Variants in ALDH1B1 observed in about 807,000 individuals in gnomAD.
The protein encoded by ALDH1B1 is aldehyde dehydrogenase 1 family member B1.
ALDH1B1 carries 19 observed loss-of-function variants against 26.2 expected under a neutral mutation model. That is an observed-to-expected ratio of 0.72 (90% CI 0.51 to 1.06). The LOEUF (loss-of-function observed/expected upper bound fraction) is 1.06, where lower values mean the gene tolerates loss of function less well. ALDH1B1 is among the 50% of genes least tolerant of loss of function. The pLI is 0.00. For synonymous variants in ALDH1B1, 249 were observed against 286.0 expected (o/e 0.87, Z 1.31); for missense variants, 671 against 683.1 (o/e 0.98, Z 0.20).
At chr9:38,394,802 G>T (rs934984282) in intron 1 of ALDH1B1, among the ~76,000 whole-genome samples, 1 of 152,146 alleles carries the variant, frequency 6.6e-6, no homozygotes, top group African/African-American at 2.4e-5. Flanking sequence ...CAACTAATCT[G>T]GGAACACTAC....
rs1403236585 is a variant in ALDH1B1, at chr9:38,398,094, T to A, written c.*792T>A. On this transcript the variant is annotated 3_prime_UTR_variant, in exon 2 of 2. Coordinates refer to ENST00000377698, the MANE Select transcript of ALDH1B1 (RefSeq NM_000692.5). Reference sequence around the variant, plus strand: ...GCTACAGACTGTATGATTCCATTTATATGAAATATACATACTAGGCAAATC... The same window carrying A: ...GCTACAGACTGTATGATTCCATTTAAATGAAATATACATACTAGGCAAATC... 1 of 167,106 alleles carries A rather than the reference T, an allele frequency of 6.0e-6. No individual in the cohort carries two copies. Among genetic ancestry groups the A allele is most frequent in the Non-Finnish European group, 1.5e-5 (1 of 68,132 alleles). 10.4% of individuals were successfully genotyped at this position (167,106 alleles called of 1,614,324 possible). A position where few individuals can be genotyped will look rare whatever the true frequency, so the allele number is the denominator to read the frequency against.
Position 38,396,083 on chromosome 9 carries a change from T to G in ALDH1B1, c.335T>G (p.Val112Gly). Residue 112 changes from valine to glycine, a missense_variant, in exon 2 of 2, where the codon GTG becomes GGG. Val to Gly is a moderately radical substitution (Grantham distance 109). Coordinates refer to ENST00000377698, the MANE Select transcript of ALDH1B1 (RefSeq NM_000692.5). The stretch of plus-strand genomic sequence containing the variant: ...CTGCTGAACCGCCTGGCAGACCTAG[T>G]GGAGCGGGATCGAGTCTACTTGGCC... ...GRLLNRLADL[V>G]ERDRVYLASL... The G allele has an allele frequency of 6.8e-6, 11 of 1,614,124 alleles. No individual in the cohort carries two copies. Among genetic ancestry groups the G allele is most frequent in the Non-Finnish European group, 9.3e-6 (11 of 1,180,016 alleles).
rs1366309029 is a variant in ALDH1B1 at position 38,397,505 on chromosome 9, T to G, written c.*203T>G. The G allele has an allele frequency of 2.6e-6, 2 of 764,446 alleles. No homozygotes were observed. Among genetic ancestry groups the G allele is most frequent in the East Asian group, 2.9e-5 (1 of 35,030 alleles). 47.4% of individuals were successfully genotyped at this position (764,446 alleles called of 1,614,324 possible). Reference sequence around the variant, plus strand: ...GACCAGGCTCAGAGTTCTACCTATCTAACCCCCAACCACAGCCCCCTTGGT... The same window carrying G: ...GACCAGGCTCAGAGTTCTACCTATCGAACCCCCAACCACAGCCCCCTTGGT... On this transcript the variant is annotated 3_prime_UTR_variant, in exon 2 of 2. Coordinates refer to ENST00000377698, the MANE Select transcript of ALDH1B1 (RefSeq NM_000692.5).
At chr9:38,395,656 G>A in intron 1 of ALDH1B1, 84 bp from the exon 2 acceptor site, 1 of 1,488,846 alleles carries the variant, frequency 6.7e-7, no homozygotes, top group Non-Finnish European at 8.9e-7. Context: ...CTGGAATCTT[G>A]AAATGTTTGA....
At position 38,396,512 on chromosome 9, in the gene ALDH1B1, T is replaced by C. The variant is rs201458895; in HGVS notation, c.764T>C (p.Val255Ala). ...AGAAIAQHVDVDKVAFTGSTE... is the reference protein window; with the variant it reads ...AGAAIAQHVDADKVAFTGSTE... Reference sequence around the variant, plus strand: ...GCGGCCATCGCCCAGCACGTGGATGTTGACAAAGTTGCCTTCACCGGTTCC... The same window carrying C: ...GCGGCCATCGCCCAGCACGTGGATGCTGACAAAGTTGCCTTCACCGGTTCC... Residue 255 changes from valine (V) to alanine (A), a missense_variant, in exon 2 of 2, where the codon GTT (valine) becomes GCT (alanine). Coordinates refer to ENST00000377698, the MANE Select transcript of ALDH1B1 (RefSeq NM_000692.5). The C allele has an allele frequency of 3.7e-5, 60 of 1,613,900 alleles. No homozygotes were observed. The highest frequency in any genetic ancestry group is 5.0e-5 in the Non-Finnish European group (59 of 1,179,946).
Position 38,397,165 on chromosome 9 carries a change from T to C in ALDH1B1, c.1417T>C (p.Tyr473His). The change falls in exon 2 of 2, where the codon TAC becomes CAC. Residue 473 changes from tyrosine to histidine, a missense_variant. Transcript: ENST00000377698. ...GGCCGGGACCGTGTGGGTAAACACC[T>C]ACAACATCGTCACCTGCCACACGCC... ...LQAGTVWVNT[Y>H]NIVTCHTPFG... 6.2e-7 allele frequency: 1 copy of C among 1,614,126 alleles called. No individual in the cohort carries two copies. Among genetic ancestry groups the C allele is most frequent in the Non-Finnish European group, 8.5e-7 (1 of 1,180,030 alleles).
Sources: allele counts gnomAD v4.1 joint callset (sites outside exome capture counted in the v4.1 genomes callset), GRCh38; gene constraint gnomAD v4.1.1; transcripts MANE v1.5; gene names NCBI Gene and HGNC (gene_info 2026-07-23, HGNC 2026-07-21).